The following KIF21A variants were observed in gnomAD, a reference collection of about 807,000 sequenced individuals.
KIF21A encodes kinesin-like protein KIF21A.
Under a neutral mutation model 202.9 loss-of-function variants are expected in KIF21A, and 114 were observed. The observed-to-expected ratio is 0.56, with a 90% CI of 0.48 to 0.66. The LOEUF is 0.66. KIF21A is among the 30% of genes least tolerant of loss of function. The pLI, the probability that KIF21A is intolerant of heterozygous loss-of-function variation, is 0.00. For synonymous variants in KIF21A, 667 were observed against 670.8 expected (o/e 0.99, Z 0.09); for missense variants, 1,677 against 1,994.9 (o/e 0.84, Z 3.04).
chr12:39,314,476 ATAG>A (rs1365687337), intron 31 of KIF21A, among the ~76,000 whole-genome samples: 2 of 151,922 alleles, frequency 1.3e-5, no homozygotes, highest in African/African-American at 4.8e-5. Context: ...ATTCTACAGA[ATAG>A]TAGGTTGCTA....
intron 1 of KIF21A, among the ~76,000 whole-genome samples, chr12:39,380,195 T>C (rs979669691): frequency 1.3e-5 from 2 of 152,212 alleles, no homozygotes; most frequent in African/African-American, 4.8e-5. Flanking sequence ...CTTGAACTCC[T>C]GTGCTCAGGC....
intron 1 of KIF21A, among the ~76,000 whole-genome samples, chr12:39,413,443 G>A (rs532834357): frequency 6.6e-6 from 1 of 152,254 alleles, no homozygotes; most frequent in South Asian, 2.1e-4. Flanking sequence ...CTTAAAAGAG[G>A]TTCCTTGGGG....
At chr12:39,421,723 TTATA>T (rs374130613) in intron 1 of KIF21A, among the ~76,000 whole-genome samples, 4,192 of 134,976 alleles carry the variant, frequency 0.031, 97 homozygotes, top group Middle Eastern at 0.076. Flanking sequence ...TATATATAAT[TTATA>T]TATATATATA....
In KIF21A at chr12:39,431,956, C is replaced by A. The variant is rs946748627; in HGVS notation, c.44+10971G>T. ...ATGTCACACTGGAATTAAGGAACTT[C>A]AAATGGCAGGTCAAATAACCAGGAA... On this transcript the variant is annotated intron_variant, in intron 1 of 37. Transcript: ENST00000361418. 5.9e-5 allele frequency among the ~76,000 whole-genome samples: 9 copies of A among 152,296 alleles called. No homozygotes were observed. The East Asian group carries it at 1.7e-3, about 29-fold the overall frequency.
chr12:39,422,922 A>G (rs1954421776), intron 1 of KIF21A, among the ~76,000 whole-genome samples: 1 of 152,164 alleles, frequency 6.6e-6, no homozygotes, highest in Non-Finnish European at 1.5e-5. Context: ...GAGGGAATCA[A>G]ATCTAGCACT....
At chr12:39,419,670 T>C (rs1954078328) in intron 1 of KIF21A, among the ~76,000 whole-genome samples, 1 of 152,154 alleles carries the variant, frequency 6.6e-6, no homozygotes, top group Non-Finnish European at 1.5e-5. Flanking sequence ...CCCTTTATCA[T>C]TCATCTTCAG....
At chr12:39,367,294 G>A in intron 4 of KIF21A, 130 bp from the exon 5 acceptor site, 3 of 968,252 alleles carry the variant, frequency 3.1e-6, no homozygotes, top group Non-Finnish European at 4.8e-6. Context: ...CACATTATTA[G>A]TTCAGTTACA....
intron 3 of KIF21A, among the ~76,000 whole-genome samples, chr12:39,368,526 C>A (rs74594248): frequency 0.011 from 1,661 of 152,148 alleles, 37 homozygotes; most frequent in African/African-American, 0.036. Flanking sequence ...GCTGAAAAAA[C>A]CCAGATACCT....
chr12:39,345,124 AT>A (rs1947783092), intron 12 of KIF21A, among the ~76,000 whole-genome samples: 1 of 152,184 alleles, frequency 6.6e-6, no homozygotes, highest in African/African-American at 2.4e-5. Flanking sequence ...ACACACGACT[AT>A]GTTTGAGAAG....
At chr12:39,389,379 T>C (rs1951185818) in intron 1 of KIF21A, among the ~76,000 whole-genome samples, 1 of 152,160 alleles carries the variant, frequency 6.6e-6, no homozygotes, top group African/African-American at 2.4e-5. Context: ...TAAAGGGCAA[T>C]ATGGAATCAT....
intron 29 of KIF21A, 66 bp downstream of exon 29, chr12:39,318,007 A>G: frequency 6.7e-7 from 1 of 1,502,722 alleles, no homozygotes; most frequent in Non-Finnish European, 9.2e-7. Context: ...CATGTTTTCT[A>G]CAGACTGTAT....
At chr12:39,337,228 A>G (rs769903639) in intron 16 of KIF21A, 25 bp from the exon 17 acceptor site, 8 of 1,397,774 alleles carry the variant, frequency 5.7e-6, no homozygotes, top group Non-Finnish European at 8.1e-6. Flanking sequence ...ATAGACATCT[A>G]TTGAAATTAC....
chr12:39,371,140 A>C (rs935300332), intron 1 of KIF21A, among the ~76,000 whole-genome samples: 1 of 152,200 alleles, frequency 6.6e-6, no homozygotes, highest in African/African-American at 2.4e-5. Flanking sequence ...TCCAGTACAG[A>C]TGTAACAATC....
At chr12:39,361,656 C>T (rs908465761) in intron 7 of KIF21A, among the ~76,000 whole-genome samples, 1 of 147,560 alleles carries the variant, frequency 6.8e-6, no homozygotes. Flanking sequence ...CAGGCGCCCG[C>T]CACCACGCCT....
intron 1 of KIF21A, among the ~76,000 whole-genome samples, chr12:39,382,827 G>A (rs75839870): frequency 6.6e-6 from 1 of 152,148 alleles, no homozygotes; most frequent in Admixed American, 6.5e-5. Context: ...GAACTTACCT[G>A]TCAATGAAAT....
At position 39,333,229 on chromosome 12, in the gene KIF21A, G is replaced by A. The variant is rs781202644; in HGVS notation, c.2470C>T (p.Arg824Cys). The A allele has an allele frequency of 3.7e-6, 6 of 1,613,580 alleles. No homozygotes were observed. The highest frequency in any genetic ancestry group is 1.1e-5 in the South Asian group (1 of 91,074). Residue 824 changes from arginine to cysteine, a missense_variant, in exon 18 of 38, where the codon CGT (arginine) becomes TGT (cysteine). Arg to Cys is a radical substitution (Grantham distance 180). This residue lies in a region of KIF21A where 966 missense variants were observed against 1,180.9 expected (regional missense o/e 0.82). Coordinates refer to ENST00000361418, the MANE Select transcript of KIF21A (RefSeq NM_001173464.2). ...AQKRNQEVVL[R>C]RKTEEVTALR... is the part of the protein sequence containing the mutation. ...TACTGTACCTCTTCAGTTTTGCGAC[G>A]TAGAACCACTTCTTGGTTTCTTTTT...
intron 1 of KIF21A, among the ~76,000 whole-genome samples, chr12:39,424,120 C>A (rs745995467): frequency 6.6e-5 from 10 of 151,344 alleles, no homozygotes; most frequent in Non-Finnish European, 1.3e-4. Flanking sequence ...GTCTCATTAA[C>A]CTACTGTAAT....
chr12:39,318,012 CT>C (rs1944757736), intron 29 of KIF21A, 60 bp downstream of exon 29: 7 of 1,522,514 alleles, frequency 4.6e-6, no homozygotes, highest in Non-Finnish European at 6.3e-6. Context: ...TTTCTACAGA[CT>C]GTATTGACAG....
At chr12:39,366,573 C>T in intron 5 of KIF21A, 56 bp from the exon 6 acceptor site, 2 of 1,290,778 alleles carry the variant, frequency 1.5e-6, no homozygotes, top group Admixed American at 1.9e-5. Flanking sequence ...TAAATATCCT[C>T]CTAACCTACC....
Sources: allele counts gnomAD v4.1 joint callset (sites outside exome capture counted in the v4.1 genomes callset), GRCh38; gene constraint gnomAD v4.1.1; regional missense constraint gnomAD v4.1.1; transcripts MANE v1.5; gene names NCBI Gene and HGNC (gene_info 2026-07-23, HGNC 2026-07-21).